GRXCR1: variants seen among roughly 807,000 people sequenced by gnomAD.
GRXCR1 encodes glutaredoxin domain-containing cysteine-rich protein 1.
In GRXCR1, 27 loss-of-function variants were observed where a neutral mutation model predicts 27.3. The ratio of observed to expected loss-of-function variants is 0.99; its 90% confidence interval spans 0.73 to 1.37. The LOEUF (loss-of-function observed/expected upper bound fraction) is 1.37, where lower values mean the gene tolerates loss of function less well. Among genes scored for constraint, GRXCR1 ranks in the 40% most tolerant of loss-of-function variants. The pLI, the probability that GRXCR1 is intolerant of heterozygous loss-of-function variation, is 0.00. For synonymous variants in GRXCR1, 122 were observed against 131.1 expected (o/e 0.93, Z 0.47); for missense variants, 379 against 354.4 (o/e 1.07, Z -0.56).
At chr4:43,025,904 A>G (rs1478357412) in intron 3 of GRXCR1, among the ~76,000 whole-genome samples, 1 of 150,698 alleles carries the variant, frequency 6.6e-6, no homozygotes, top group Non-Finnish European at 1.5e-5. Flanking sequence ...TGAACCAGGG[A>G]GGCAGAGCTT....
At chr4:42,963,425 G>T (rs549277823) in intron 2 of GRXCR1, among the ~76,000 whole-genome samples, 1 of 151,904 alleles carries the variant, frequency 6.6e-6, no homozygotes, top group Non-Finnish European at 1.5e-5. Flanking sequence ...AGCTTGGCAT[G>T]TGGGATAAAG....
At chr4:42,998,195 G>T (rs148870598) in intron 2 of GRXCR1, among the ~76,000 whole-genome samples, 244 of 152,182 alleles carry the variant, frequency 1.6e-3, no homozygotes, top group Non-Finnish European at 3.0e-3. Flanking sequence ...CCTTCTGAAC[G>T]TGAGTCCATA....
intron 1 of GRXCR1, 62 bp downstream of exon 1, chr4:42,893,712 C>A (rs1247579205): frequency 4.0e-6 from 6 of 1,487,704 alleles, no homozygotes; most frequent in Non-Finnish European, 5.6e-6. Flanking sequence ...GAACACCTCT[C>A]AGTTCTCCAG....
intron 1 of GRXCR1, among the ~76,000 whole-genome samples, chr4:42,917,005 C>G (rs568183674): frequency 4.4e-4 from 67 of 152,000 alleles, no homozygotes; most frequent in African/African-American, 1.6e-3. Context: ...ATTATTTTGC[C>G]ATAAAAATGT....
At chr4:42,951,076 A>G (rs960266220) in intron 1 of GRXCR1, among the ~76,000 whole-genome samples, 1 of 152,182 alleles carries the variant, frequency 6.6e-6, no homozygotes, top group Admixed American at 6.5e-5. Context: ...TGAAGACCTG[A>G]CATCCAGATA....
intron 2 of GRXCR1, among the ~76,000 whole-genome samples, chr4:42,974,431 A>C (rs78307923): frequency 0.014 from 2,180 of 152,250 alleles, 36 homozygotes; most frequent in East Asian, 0.062. Context: ...GGGAACTATA[A>C]TCTTGTAACA....
At chr4:42,921,800 G>T (rs987112117) in intron 1 of GRXCR1, among the ~76,000 whole-genome samples, 15 of 151,842 alleles carry the variant, frequency 9.9e-5, no homozygotes, top group Non-Finnish European at 2.1e-4. Context: ...TTTCTCTATT[G>T]CTGACTTGAC....
At chr4:42,942,334 T>C (rs1257527488) in intron 1 of GRXCR1, among the ~76,000 whole-genome samples, 2 of 152,056 alleles carry the variant, frequency 1.3e-5, no homozygotes, top group Admixed American at 6.6e-5. Context: ...AAGATTTCAC[T>C]CTATCTTCCC....
intron 2 of GRXCR1, among the ~76,000 whole-genome samples, chr4:43,006,365 C>T (rs1712558520): frequency 6.6e-6 from 1 of 152,220 alleles, no homozygotes; most frequent in Non-Finnish European, 1.5e-5. Context: ...CCATATTTCT[C>T]TTCTTTCAAA....
At chr4:43,012,824 C>A (rs965946553) in intron 2 of GRXCR1, among the ~76,000 whole-genome samples, 1 of 152,014 alleles carries the variant, frequency 6.6e-6, no homozygotes, top group African/African-American at 2.4e-5. Flanking sequence ...TCACTGCGTT[C>A]TAAAAATCAG....
chr4:42,954,942 T>A (rs544485417), intron 1 of GRXCR1, among the ~76,000 whole-genome samples: 1 of 152,178 alleles, frequency 6.6e-6, no homozygotes, highest in Non-Finnish European at 1.5e-5. Flanking sequence ...ATTTATTTAC[T>A]CAAATTTAGT....
At chr4:42,962,485 T>C (rs917250082) in intron 1 of GRXCR1, among the ~76,000 whole-genome samples, 3 of 151,924 alleles carry the variant, frequency 2.0e-5, no homozygotes, top group African/African-American at 7.2e-5. Context: ...AGAAGAATTT[T>C]AACTGGCTAA....
chr4:42,953,670 G>A (rs554812880), intron 1 of GRXCR1, among the ~76,000 whole-genome samples: 2 of 152,160 alleles, frequency 1.3e-5, no homozygotes, highest in South Asian at 4.1e-4. Context: ...ATAAGAGATT[G>A]TTTTTTTGAT....
At chr4:42,997,491 G>C (rs1470230588) in intron 2 of GRXCR1, among the ~76,000 whole-genome samples, 1 of 152,112 alleles carries the variant, frequency 6.6e-6, no homozygotes, top group Non-Finnish European at 1.5e-5. Context: ...TAACATCTGG[G>C]ACCTTGCTAA....
At chr4:43,027,296 G>T (rs1012392892) in intron 3 of GRXCR1, among the ~76,000 whole-genome samples, 1 of 152,134 alleles carries the variant, frequency 6.6e-6, no homozygotes, top group Non-Finnish European at 1.5e-5. Flanking sequence ...AGACTCTGAG[G>T]ATCCTATTTT....
intron 1 of GRXCR1, among the ~76,000 whole-genome samples, chr4:42,958,943 G>A (rs576680899): frequency 3.9e-5 from 6 of 152,066 alleles, no homozygotes; most frequent in African/African-American, 1.4e-4. Flanking sequence ...CATGTGTGAA[G>A]AAAAGGGAAC....
In GRXCR1 at chr4:42,978,635, T is replaced by G. The variant is rs141735473; in HGVS notation, c.627+15501T>G. Reference sequence around the variant, plus strand: ...TATACAGTAATGTTACTAATTTTTGTATGTTGATTTTGTATTTCATAATTT... The same window carrying G: ...TATACAGTAATGTTACTAATTTTTGGATGTTGATTTTGTATTTCATAATTT... On this transcript the variant is annotated intron_variant, in intron 2 of 3. Transcript: ENST00000399770. 1.8e-3 allele frequency among the ~76,000 whole-genome samples: 280 copies of G among 152,238 alleles called. 1 individual carries two copies. Among genetic ancestry groups the G allele is most frequent in the African/African-American group, 6.6e-3 (275 of 41,580 alleles).
intron 1 of GRXCR1, among the ~76,000 whole-genome samples, chr4:42,951,742 A>G (rs528419357): frequency 6.6e-6 from 1 of 152,156 alleles, no homozygotes; most frequent in Non-Finnish European, 1.5e-5. Flanking sequence ...CAACAGTGTA[A>G]AAGCATTCCC....
At chr4:42,963,237 C>T in intron 2 of GRXCR1, 103 bp downstream of exon 2, 1 of 1,410,032 alleles carries the variant, frequency 7.1e-7, no homozygotes, top group Non-Finnish European at 1.0e-6. Flanking sequence ...GGAACACTTG[C>T]TGGTTTTTTT....
Sources: gnomAD v4.1 joint callset for allele counts (sites outside exome capture counted in the v4.1 genomes callset) on GRCh38, gnomAD v4.1.1 for gene constraint, MANE v1.5 for transcripts, NCBI Gene and HGNC (gene_info 2026-07-23, HGNC 2026-07-21) for gene names.